Variants in SLC22A25 observed in about 807,000 individuals in gnomAD.
SLC22A25 encodes MGI:2442751, MGI:2385316, MGI:3042283, MGI:3645714, MGI:3605624, MGI:2442750.
Under a neutral mutation model 45.9 loss-of-function variants are expected in SLC22A25, and 44 were observed. The ratio of observed to expected loss-of-function variants is 0.96; its 90% CI spans 0.75 to 1.23. The LOEUF (loss-of-function observed/expected upper bound fraction) is 1.23. SLC22A25 is among the 50% of genes most tolerant of loss of function. The pLI is 0.00. For missense variants in SLC22A25, 800 were observed against 666.4 expected (o/e 1.20, Z -2.21); for synonymous variants, 283 against 238.6 (o/e 1.19, Z -1.72).
At chr11:63,170,147 C>G (rs920614481) in intron 9 of SLC22A25, among the ~76,000 whole-genome samples, 1 of 152,138 alleles carries the variant, frequency 6.6e-6, no homozygotes, top group African/African-American at 2.4e-5. Context: ...ATGAGAATCT[C>G]TGGGACACAG....
rs1412085098 is a variant in SLC22A25 at position 63,193,491 on chromosome 11, A to C, written c.831-9674T>G. Among the ~76,000 whole-genome samples, 4 of 152,266 alleles carry C rather than the reference A, an allele frequency of 2.6e-5. 1 individual carries two copies. The highest frequency in any genetic ancestry group is 5.9e-5 in the Non-Finnish European group (4 of 68,052). On this transcript the variant is annotated intron_variant, in intron 7 of 11. Transcript: ENST00000306494. The stretch of plus-strand genomic sequence containing the variant: ...TGTTCTGCAATGTTTGCTGTTCTGC[A>C]GCCTCTGCTGGTGACACCCAGGCAA...
Position 63,174,106 on chromosome 11 carries a change from G to A in SLC22A25, c.1070+6554C>T, listed in dbSNP as rs139829508. ...GTGATGTTCGCCTCCCTGTGTCCAT[G>A]TGTTCTCATTGTTCAACTCCCACTT... On this transcript the variant is annotated intron_variant, in intron 9 of 11. Transcript: ENST00000306494. Among the ~76,000 whole-genome samples, 934 of 152,062 alleles carry A rather than the reference G, an allele frequency of 6.1e-3. 5 individuals carry two copies. The highest frequency in any genetic ancestry group is 8.9e-3 in the Non-Finnish European group (602 of 67,960).
In SLC22A25 at chr11:63,216,705, A is replaced by G. The variant is rs115109762; in HGVS notation, c.830+609T>C. Among the ~76,000 whole-genome samples, 864 of 151,110 alleles carry G rather than the reference A, an allele frequency of 5.7e-3. 9 individuals carry two copies. The highest frequency in any genetic ancestry group is 0.019 in the African/African-American group (787 of 40,528). ...AGGGAGAGGATCAGGAAAAATTACAAACGGGTATTAGGCTTAATACCTAGG... is the reference window on the plus strand; with the variant it reads ...AGGGAGAGGATCAGGAAAAATTACAGACGGGTATTAGGCTTAATACCTAGG... On this transcript the variant is annotated intron_variant, in intron 7 of 11. Coordinates refer to ENST00000306494, the MANE Select transcript of SLC22A25 (RefSeq NM_199352.6).
chr11:63,190,298 T>C (rs12222377), intron 7 of SLC22A25, among the ~76,000 whole-genome samples: 1 of 152,334 alleles, frequency 6.6e-6, no homozygotes, highest in East Asian at 1.9e-4. Flanking sequence ...ATTCATTTGA[T>C]CTTTCATCAC....
intron 3 of SLC22A25, among the ~76,000 whole-genome samples, chr11:63,232,208 A>G (rs1054883361): frequency 2.6e-5 from 4 of 152,186 alleles, no homozygotes; most frequent in Non-Finnish European, 5.9e-5. Context: ...CATTGAATCT[A>G]TAAAAGACCT....
chr11:63,239,451 T>G (rs2090213847), intron 1 of SLC22A25, among the ~76,000 whole-genome samples: 1 of 152,242 alleles, frequency 6.6e-6, no homozygotes, highest in African/African-American at 2.4e-5. Flanking sequence ...CTCCACATTT[T>G]CTGTAAATAC....
At chr11:63,225,355 CTCTT>C (rs1322634532) in intron 5 of SLC22A25, among the ~76,000 whole-genome samples, 2 of 152,082 alleles carry the variant, frequency 1.3e-5, no homozygotes, top group Admixed American at 1.3e-4. Context: ...GTTTGGGAAA[CTCTT>C]TATTTCTCAT....
At chr11:63,189,165 A>G (rs1280457652) in intron 7 of SLC22A25, among the ~76,000 whole-genome samples, 1 of 152,042 alleles carries the variant, frequency 6.6e-6, no homozygotes, top group Non-Finnish European at 1.5e-5. Flanking sequence ...TCCCATTATT[A>G]TTGTGTGGGA....
chr11:63,239,907 T>C (rs1312634773), intron 1 of SLC22A25, among the ~76,000 whole-genome samples: 2 of 152,200 alleles, frequency 1.3e-5, no homozygotes, highest in African/African-American at 2.4e-5. Flanking sequence ...ACTTAAATAT[T>C]CACACTCTGA....
intron 9 of SLC22A25, among the ~76,000 whole-genome samples, chr11:63,176,244 T>G (rs187736510): frequency 2.5e-4 from 38 of 152,188 alleles, no homozygotes; most frequent in African/African-American, 8.2e-4. Context: ...TTTTTTCTAT[T>G]TCTGTAAAAT....
At chr11:63,184,909 C>T (rs192056854) in intron 7 of SLC22A25, among the ~76,000 whole-genome samples, 93 of 152,142 alleles carry the variant, frequency 6.1e-4, no homozygotes, top group Admixed American at 1.6e-3. Context: ...CAAATGAAAA[C>T]GCAGTAGTGA....
chr11:63,240,340 TAG>T (rs1220927281), intron 1 of SLC22A25, among the ~76,000 whole-genome samples: 10 of 152,180 alleles, frequency 6.6e-5, no homozygotes, highest in Non-Finnish European at 1.5e-4. Flanking sequence ...TCATTTTCAT[TAG>T]AGTCAAAGAA....
intron 7 of SLC22A25, among the ~76,000 whole-genome samples, chr11:63,184,650 T>A (rs1480924818): frequency 4.6e-5 from 7 of 152,282 alleles, no homozygotes; most frequent in African/African-American, 1.7e-4. Context: ...TGTCCCTTCC[T>A]ATCATCCAAT....
intron 5 of SLC22A25, among the ~76,000 whole-genome samples, chr11:63,224,665 C>A (rs141104762): frequency 3.3e-5 from 5 of 152,152 alleles, no homozygotes; most frequent in Admixed American, 1.3e-4. Context: ...TTATTTTAAA[C>A]TGATAGTTAA....
intron 9 of SLC22A25, chr11:63,166,744 G>T: frequency 1.0e-6 from 1 of 987,116 alleles, no homozygotes; most frequent in Non-Finnish European, 1.2e-6. Flanking sequence ...TATATTCATG[G>T]CATTCATTCT....
chr11:63,217,215 C>G (rs936076561), intron 7 of SLC22A25, 99 bp downstream of exon 7: 10 of 1,368,320 alleles, frequency 7.3e-6, no homozygotes, highest in Non-Finnish European at 9.8e-6. Flanking sequence ...AGAATGTACT[C>G]AAGGCTAGAT....
chr11:63,218,011 GAAATGT>G lies in SLC22A25; in HGVS notation c.507-282_507-277del, dbSNP rs1174448442. On this transcript the variant is annotated intron_variant, in intron 5 of 11. Coordinates refer to ENST00000306494, the MANE Select transcript of SLC22A25 (RefSeq NM_199352.6). Reference sequence around the variant, plus strand: ...AACATGTAAGACAGGCTGGGATGTTGAAATGTTAACACACCAGAAATGTCCCTTGTG... The same window carrying G: ...AACATGTAAGACAGGCTGGGATGTTGTAACACACCAGAAATGTCCCTTGTG... The G allele has an allele frequency of 1.2e-5, 7 of 592,494 alleles. No individual in the cohort carries two copies. The African/African-American group carries it at 1.3e-4, about 11-fold the overall frequency. The allele number at this position is 592,494 out of a possible 1,614,324, so 36.7% of individuals were successfully genotyped here. A position where few individuals can be genotyped will look rare whatever the true frequency, so the allele number is the denominator to read the frequency against.
At chr11:63,195,087 C>T (rs1345470372) in intron 7 of SLC22A25, among the ~76,000 whole-genome samples, 1 of 151,856 alleles carries the variant, frequency 6.6e-6, no homozygotes, top group Non-Finnish European at 1.5e-5. Context: ...AATACAAGAG[C>T]ACCCAGATTC....
intron 7 of SLC22A25, among the ~76,000 whole-genome samples, chr11:63,188,459 G>T (rs1339640183): frequency 6.6e-6 from 1 of 152,066 alleles, no homozygotes; most frequent in African/African-American, 2.4e-5. Context: ...AGTCCTGCTA[G>T]CGGTCTATCT....
Sources: gnomAD v4.1 joint callset for allele counts (sites outside exome capture counted in the v4.1 genomes callset) on GRCh38, gnomAD v4.1.1 for gene constraint, MANE v1.5 for transcripts, NCBI Gene and HGNC (gene_info 2026-07-23, HGNC 2026-07-21) for gene names.